The following POMT2 variants were observed in gnomAD, a reference collection of about 807,000 sequenced individuals.
The protein encoded by POMT2 is protein O-mannosyltransferase 2.
POMT2 carries 75 observed loss-of-function variants against 100.0 expected under a neutral mutation model. That is an observed-to-expected ratio of 0.75 (90% CI 0.62 to 0.91). POMT2 has a LOEUF of 0.91. POMT2 is among the 40% of genes least tolerant of loss of function. The pLI is 0.00. For missense variants in POMT2, 940 were observed against 955.1 expected (o/e 0.98, Z 0.21); for synonymous variants, 378 against 374.1 (o/e 1.01, Z -0.12).
intron 3 of POMT2, among the ~76,000 whole-genome samples, chr14:77,305,198 G>A (rs1204650114): frequency 1.3e-5 from 2 of 152,196 alleles, no homozygotes; most frequent in African/African-American, 4.8e-5. Flanking sequence ...AGTTGAGAAA[G>A]ACCCCTCTGA....
rs1226760356 is a variant in POMT2, at chr14:77,283,797, C to A, written c.1653G>T (p.Arg551=). The change falls in exon 15 of 21, where the codon CGG becomes CGT. Residue 551 remains arginine, a splice_region_variant and synonymous_variant. Coordinates refer to ENST00000261534, the MANE Select transcript of POMT2 (RefSeq NM_013382.7). ...CATGAAATGAGAAGGGGACACATAC[C>A]CGGATCATGACCATGTGGGATTCCA... The part of the protein sequence containing the change: ...ILLESHMVMI[R]GNSGLKPKDN... The A allele has an allele frequency of 6.2e-7, 1 of 1,605,010 alleles. No homozygotes were observed. The highest frequency in any genetic ancestry group is 8.5e-7 in the Non-Finnish European group (1 of 1,171,850).
chr14:77,304,869 C>A (rs962688785), intron 3 of POMT2, 69 bp from the exon 4 acceptor site: 1 of 1,543,656 alleles, frequency 6.5e-7, no homozygotes, highest in African/African-American at 1.4e-5. Context: ...GGACTCAGTA[C>A]AACCTAACAT....
chr14:77,288,755 G>T lies in POMT2; in HGVS notation c.1253+7C>A. 3 of 1,612,624 alleles carry T rather than the reference G, an allele frequency of 1.9e-6. No individual in the cohort carries two copies. The South Asian group carries it at 3.3e-5, about 18-fold the overall frequency. On this transcript the variant is annotated splice_region_variant and intron_variant, in intron 11 of 20. Coordinates refer to ENST00000261534, the MANE Select transcript of POMT2 (RefSeq NM_013382.7). ...CATTTATTTATCCAAACTGCAAATT[G>T]ACTTACTCTTTGTGTTCTAGTCGAA...
rs540688610 is a variant in POMT2, at chr14:77,296,191, G to A, written c.1089C>T (p.Pro363=). 3.6e-5 allele frequency: 58 copies of A among 1,607,530 alleles called. 1 individual carries two copies. The highest frequency in any genetic ancestry group is 1.5e-4 in the African/African-American group (11 of 75,000). ...GYLHSHRHLY[P]EGIGARQQQV... ...GCTGCTGACGGGCACCAATGCCCTC[G>A]GGGTAGAGGTGCCTGTGGGAGTGCA... The change falls in exon 9 of 21, where the codon CCC becomes CCT. Residue 363 remains proline, a synonymous_variant. Transcript: ENST00000261534.
chr14:77,278,304 A>G, intron 20 of POMT2, 90 bp downstream of exon 20: 1 of 1,116,814 alleles, frequency 9.0e-7, no homozygotes, highest in Non-Finnish European at 1.3e-6. Context: ...TGGTGGTGTT[A>G]AAAGCACCGC....
chr14:77,307,550 C>T (rs1312729264), intron 2 of POMT2, among the ~76,000 whole-genome samples: 1 of 152,206 alleles, frequency 6.6e-6, no homozygotes, highest in Non-Finnish European at 1.5e-5. Flanking sequence ...GATCCCTCTT[C>T]CCACCTGGGA....
chr14:77,320,328 G>A (rs933215646), intron 1 of POMT2, 106 bp downstream of exon 1: 3 of 1,524,666 alleles, frequency 2.0e-6, no homozygotes, highest in African/African-American at 2.8e-5. Flanking sequence ...CCTCCACCGT[G>A]GCCCTCCTCC....
At chr14:77,288,923 G>A (rs1890542473) in intron 10 of POMT2, 92 bp from the exon 11 acceptor site, 1 of 1,094,314 alleles carries the variant, frequency 9.1e-7, no homozygotes, top group Admixed American at 1.7e-5. Flanking sequence ...AGTACCATGT[G>A]GTATCTGCTA....
At chr14:77,309,882 TG>T (rs1267729092) in intron 2 of POMT2, among the ~76,000 whole-genome samples, 1 of 152,080 alleles carries the variant, frequency 6.6e-6, no homozygotes, top group Non-Finnish European at 1.5e-5. Flanking sequence ...TTCACCACGT[TG>T]GCCAGGCTGG....
intron 12 of POMT2, 73 bp downstream of exon 12, chr14:77,286,671 A>C (rs1594890753): frequency 6.3e-6 from 10 of 1,591,410 alleles, no homozygotes; most frequent in East Asian, 2.2e-5. Flanking sequence ...TGGGGAGGAG[A>C]TATCCCACCA....
chr14:77,295,865 G>A lies in POMT2; in HGVS notation c.1116+299C>T, dbSNP rs370223812. Among the ~76,000 whole-genome samples the A allele has an allele frequency of 1.5e-4, 23 of 152,112 alleles. No homozygotes were observed. In the East Asian group the frequency reaches 3.7e-3, roughly 25 times the overall value. ...GTACCAAAGAGACGGCGGGAAGTAA[G>A]CATGCACAGTTCAATATGAGAAGGT... On this transcript the variant is annotated intron_variant, in intron 9 of 20. Transcript: ENST00000261534.
In POMT2 at chr14:77,306,337, T is replaced by G. The variant is rs1452127264; in HGVS notation, c.438A>C (p.Gly146=). The G allele has an allele frequency of 6.2e-7, 1 of 1,612,182 alleles. No individual in the cohort carries two copies. Among genetic ancestry groups the G allele is most frequent in the East Asian group, 2.2e-5 (1 of 44,846 alleles). Residue 146 remains glycine, a splice_region_variant and synonymous_variant, in exon 3 of 21, where the codon GGA becomes GGC. Transcript: ENST00000261534. ...YEHHSYMGMR[G]FCAFLGSWLV... ...TCCATTTCAAGTCAGGAAGCCTTAC[T>G]CCTCTCATTCCCATGTAGCTGTGAT...
rs139204147 is a variant in POMT2 at position 77,281,726 on chromosome 14, T to C, written c.1654-1263A>G. Among the ~76,000 whole-genome samples, 278 of 152,302 alleles carry C rather than the reference T, an allele frequency of 1.8e-3. 1 individual carries two copies. The highest frequency in any genetic ancestry group is 1.7e-3 in the Non-Finnish European group (115 of 68,014). The stretch of plus-strand genomic sequence containing the variant: ...TTGCTGTGAGGACTGTCCCGTGCAT[T>C]GCAGAGTGTTTAGCATTCCTGGCCT... On this transcript the variant is annotated intron_variant, in intron 15 of 20. Transcript: ENST00000261534.
Position 77,296,219 on chromosome 14 carries a change from T to G in POMT2, c.1061A>C (p.Tyr354Ser), listed in dbSNP as rs751206357. 1.9e-6 allele frequency: 3 copies of G among 1,609,558 alleles called. No homozygotes were observed. The highest frequency in any genetic ancestry group is 1.3e-5 in the African/African-American group (1 of 74,880). Residue 354 changes from tyrosine (Y) to serine (S), a missense_variant, in exon 9 of 21, where the codon TAT becomes TCT. By Grantham distance (144) the Tyr-to-Ser change is moderately radical. Coordinates refer to ENST00000261534, the MANE Select transcript of POMT2 (RefSeq NM_013382.7). Reference protein sequence around the residue: ...TVKNLRMAIGYLHSHRHLYPE... With the variant: ...TVKNLRMAIGSLHSHRHLYPE... The stretch of plus-strand genomic sequence containing the variant: ...GTAGAGGTGCCTGTGGGAGTGCAGA[T>G]AGCCGATGGCCATCCGGAGGTTCTT...
At chr14:77,288,734 T>G (rs2140195084) in intron 11 of POMT2, 28 bp downstream of exon 11, 2 of 1,601,940 alleles carry the variant, frequency 1.2e-6, no homozygotes, top group South Asian at 2.2e-5. Context: ...CCGTACCATT[T>G]ATTTATCCAA....
chr14:77,311,672 C>A (rs1039432293), intron 2 of POMT2, among the ~76,000 whole-genome samples: 1 of 152,242 alleles, frequency 6.6e-6, no homozygotes, highest in Non-Finnish European at 1.5e-5. Flanking sequence ...AGAACCTCAT[C>A]CCTTTTTATG....
At chr14:77,301,384 G>A (rs1001698655) in intron 5 of POMT2, 135 bp from the exon 6 acceptor site, 15 of 1,219,362 alleles carry the variant, frequency 1.2e-5, no homozygotes, top group Non-Finnish European at 1.8e-5. Flanking sequence ...AGCCTCAAGG[G>A]ACCATGGCGT....
intron 11 of POMT2, among the ~76,000 whole-genome samples, 178 bp downstream of exon 11, chr14:77,288,584 A>G (rs1890524242): frequency 6.6e-6 from 1 of 152,184 alleles, no homozygotes; most frequent in African/African-American, 2.4e-5. Context: ...CCCAGAAGGC[A>G]GGCAAAGGCT....
rs1164505302 is a variant in POMT2 at position 77,277,215 on chromosome 14, T to C, written c.*161A>G. On this transcript the variant is annotated 3_prime_UTR_variant, in exon 21 of 21. Transcript: ENST00000261534. The stretch of plus-strand genomic sequence containing the variant: ...GCTCTCTCCCGGCTCTCTCCAATGC[T>C]GGGTTCCATTCCAGCTGCACTCCCA... 2 of 675,348 alleles carry C rather than the reference T, an allele frequency of 3.0e-6. No homozygotes were observed. The highest frequency in any genetic ancestry group is 2.1e-5 in the Admixed American group (1 of 47,566). 41.8% of individuals were successfully genotyped at this position (675,348 alleles called of 1,614,324 possible). A position where few individuals can be genotyped will look rare whatever the true frequency, so the allele number is the denominator to read the frequency against.
Sources: allele counts gnomAD v4.1 joint callset (sites outside exome capture counted in the v4.1 genomes callset), GRCh38; gene constraint gnomAD v4.1.1; transcripts MANE v1.5; gene names NCBI Gene and HGNC (gene_info 2026-07-23, HGNC 2026-07-21).